Variants in ZFYVE28 observed in about 807,000 individuals in gnomAD.
ZFYVE28 encodes zinc finger FYVE-type containing 28.
ZFYVE28 carries 40 observed loss-of-function variants against 82.1 expected under a neutral mutation model. The observed-to-expected ratio is 0.49, with a 90% CI of 0.38 to 0.63. The LOEUF is 0.63. Ranked by LOEUF, ZFYVE28 falls within the 30% of genes least tolerant of loss-of-function variation. The probability of loss-of-function intolerance (pLI) is 0.00; values close to 1 mark genes in which losing one functional copy is unlikely to be tolerated. For missense variants in ZFYVE28, 1,321 were observed against 1,242.1 expected, an observed-to-expected ratio of 1.06 and a Z score of -0.96; for synonymous variants, 612 against 546.1, an observed-to-expected ratio of 1.12 and a Z score of -1.68.
intron 1 of ZFYVE28, among the ~76,000 whole-genome samples, chr4:2,387,719 C>T (rs981844936): frequency 6.6e-6 from 1 of 152,194 alleles, no homozygotes; most frequent in African/African-American, 2.4e-5. Flanking sequence ...GCCAAAAGAG[C>T]ACCTAACAAA....
intron 6 of ZFYVE28, among the ~76,000 whole-genome samples, chr4:2,333,014 A>G (rs1024963386): frequency 6.6e-6 from 1 of 150,948 alleles, no homozygotes; most frequent in African/African-American, 2.4e-5. Context: ...TCCCTCCTTC[A>G]ATCCAAGCCC....
intron 1 of ZFYVE28, among the ~76,000 whole-genome samples, chr4:2,371,855 C>A (rs373410314): frequency 6.6e-6 from 1 of 150,964 alleles, no homozygotes; most frequent in South Asian, 2.1e-4. Flanking sequence ...GCCCGCCCCC[C>A]ACCCAGCGTG....
chr4:2,276,230 G>A (rs1330606588), intron 8 of ZFYVE28, among the ~76,000 whole-genome samples: 2 of 152,218 alleles, frequency 1.3e-5, no homozygotes, highest in African/African-American at 4.8e-5. Flanking sequence ...AATATTTGCC[G>A]GAACGTGGGA....
rs1235692327 is a variant in ZFYVE28 at position 2,417,229 on chromosome 4, T to C, written c.39+1056A>G. ...ACCCGAGCCGTGACCTCCCCCAAGA[T>C]CTCAGGGCCCGGGCCTCCCCGCTGC... is the stretch of plus-strand genomic sequence containing the variant. On this transcript the variant is annotated intron_variant, in intron 1 of 12. Transcript: ENST00000290974. The surrounding 1 kb of genome is among the most constrained non-coding windows in gnomAD (Gnocchi z 4.8). Among the ~76,000 whole-genome samples the C allele has an allele frequency of 6.6e-6, 1 of 151,990 alleles. No individual in the cohort carries two copies. The highest frequency in any genetic ancestry group is 2.4e-5 in the African/African-American group (1 of 41,396).
At chr4:2,399,022 GCA>G (rs1730826286) in intron 1 of ZFYVE28, among the ~76,000 whole-genome samples, 1 of 130,842 alleles carries the variant, frequency 7.6e-6, no homozygotes, top group African/African-American at 2.8e-5. Flanking sequence ...GAGATCTAGG[GCA>G]CAAGGTGGGG....
intron 1 of ZFYVE28, among the ~76,000 whole-genome samples, chr4:2,355,240 A>AAAATGAT (rs1725099494): frequency 4.1e-5 from 1 of 24,122 alleles, no homozygotes; most frequent in African/African-American, 1.7e-4. Context: ...ATATATATAT[A>AAAATGAT]TATATATATA....
Position 2,353,991 on chromosome 4 carries a change from T to TGATA in ZFYVE28, c.121_122insTATC (p.Asp41ValfsTer29). On this transcript the variant is annotated frameshift_variant, in exon 2 of 13. Transcript: ENST00000290974. LOFTEE classifies it high-confidence loss of function. ...GCACCGCTGGGGGTCCTTCCGCCCATCCAGGCTGTCCAGCTCCGCGGCCAC... is the reference window on the plus strand; with the variant it reads ...GCACCGCTGGGGGTCCTTCCGCCCATGATACCAGGCTGTCCAGCTCCGCGGCCAC... 1 of 1,586,582 alleles carries TGATA rather than the reference T, an allele frequency of 6.3e-7. No individual in the cohort carries two copies. The highest frequency in any genetic ancestry group is 8.6e-7 in the Non-Finnish European group (1 of 1,166,698).
At chr4:2,370,179 G>A (rs1727381072) in intron 1 of ZFYVE28, among the ~76,000 whole-genome samples, 2 of 152,006 alleles carry the variant, frequency 1.3e-5, no homozygotes, top group South Asian at 4.1e-4. Flanking sequence ...CCCACTGTGT[G>A]CGACTTGGTC....
intron 1 of ZFYVE28, among the ~76,000 whole-genome samples, chr4:2,364,114 C>T (rs1168671165): frequency 6.6e-6 from 1 of 152,230 alleles, no homozygotes; most frequent in Non-Finnish European, 1.5e-5. Flanking sequence ...CCTCAGGTCA[C>T]AGCTCCAGGC....
In ZFYVE28 at chr4:2,341,337, C is replaced by A; in HGVS notation, c.318+141G>T. On this transcript the variant is annotated intron_variant, in intron 3 of 12. Coordinates refer to ENST00000290974, the MANE Select transcript of ZFYVE28 (RefSeq NM_020972.3). This position sits in a 1 kb window ranked among gnomAD's most constrained non-coding sequence, Gnocchi z 4.5. ...CACGGCCTACCAGGCTCAGACCACA[C>A]CACGTAACCCAGAGTGGACGGAGCT... is the stretch of plus-strand genomic sequence containing the variant. 1.6e-6 allele frequency: 2 copies of A among 1,212,766 alleles called. No individual in the cohort carries two copies. The highest frequency in any genetic ancestry group is 1.5e-5 in the South Asian group (1 of 68,164). 75.1% of individuals were successfully genotyped at this position (1,212,766 alleles called of 1,614,324 possible). A position where few individuals can be genotyped will look rare whatever the true frequency, so the allele number is the denominator to read the frequency against.
At position 2,304,459 on chromosome 4, in the gene ZFYVE28, T is replaced by C. The variant is rs1716183876; in HGVS notation, c.1881A>G (p.Lys627=). The change falls in exon 8 of 13, where the codon AAA becomes AAG. Residue 627 remains lysine (K), a synonymous_variant. Transcript: ENST00000290974. ...GCAGGCACTTGTCGGAAGTGGGGGCTTTGGGCTCCCGCCCGTTGGAGGCAT... is the reference window on the plus strand; with the variant it reads ...GCAGGCACTTGTCGGAAGTGGGGGCCTTGGGCTCCCGCCCGTTGGAGGCAT... ...SEDASNGREP[K]APTSDKCLPH... 3.1e-6 allele frequency: 5 copies of C among 1,613,456 alleles called. No homozygotes were observed. The highest frequency in any genetic ancestry group is 4.2e-6 in the Non-Finnish European group (5 of 1,179,950).
At chr4:2,308,702 GAA>G (rs796505203) in intron 7 of ZFYVE28, among the ~76,000 whole-genome samples, 2,112 of 105,976 alleles carry the variant, frequency 0.02, 66 homozygotes, top group African/African-American at 0.084. Flanking sequence ...GAAAAGAAAA[GAA>G]AAAAGAAAAG....
At position 2,304,488 on chromosome 4, in the gene ZFYVE28, C is replaced by G. The variant is rs1211966831; in HGVS notation, c.1852G>C (p.Glu618Gln). 1 of 1,613,120 alleles carries G rather than the reference C, an allele frequency of 6.2e-7. No homozygotes were observed. Among genetic ancestry groups the G allele is most frequent in the African/African-American group, 1.3e-5 (1 of 75,066 alleles). The change falls in exon 8 of 13, where the codon GAA (glutamate) becomes CAA (glutamine). Residue 618 changes from glutamate (E) to glutamine (Q), a missense_variant. Coordinates refer to ENST00000290974, the MANE Select transcript of ZFYVE28 (RefSeq NM_020972.3). ...GGCTCCCGCCCGTTGGAGGCATCTT[C>G]TGAGGGTGGGGGCGCCTCCTCCTGT... ...ERQEEAPPPS[E>Q]DASNGREPKA...
chr4:2,389,988 G>A (rs1420756248), intron 1 of ZFYVE28, among the ~76,000 whole-genome samples: 1 of 152,194 alleles, frequency 6.6e-6, no homozygotes, highest in African/African-American at 2.4e-5. Context: ...TGGGTTGAAT[G>A]GCGGCCCCCC....
intron 8 of ZFYVE28, among the ~76,000 whole-genome samples, chr4:2,281,489 A>G (rs1711965426): frequency 6.6e-6 from 1 of 152,166 alleles, no homozygotes; most frequent in Admixed American, 6.5e-5. Flanking sequence ...ATGTCACCAC[A>G]TGGAGGAAGG....
intron 1 of ZFYVE28, among the ~76,000 whole-genome samples, chr4:2,400,747 C>T (rs3128778): frequency 0.88 from 134,047 of 151,950 alleles, 59,470 homozygotes; most frequent in African/African-American, 0.97. Flanking sequence ...CGGTCTCGCC[C>T]TTTCACGTTC....
At chr4:2,359,335 G>A (rs988190460) in intron 1 of ZFYVE28, among the ~76,000 whole-genome samples, 4 of 151,966 alleles carry the variant, frequency 2.6e-5, no homozygotes, top group Non-Finnish European at 5.9e-5. Flanking sequence ...CATGTTGCCC[G>A]GGCTGGTCTG....
Position 2,409,738 on chromosome 4 carries a change from G to A in ZFYVE28, c.39+8547C>T, listed in dbSNP as rs908993380. Among the ~76,000 whole-genome samples, 2 of 152,208 alleles carry A rather than the reference G, an allele frequency of 1.3e-5. No individual in the cohort carries two copies. Among genetic ancestry groups the A allele is most frequent in the Non-Finnish European group, 2.9e-5 (2 of 68,034 alleles). On this transcript the variant is annotated intron_variant, in intron 1 of 12. Coordinates refer to ENST00000290974, the MANE Select transcript of ZFYVE28 (RefSeq NM_020972.3). The surrounding 1 kb of genome is among the most constrained non-coding windows in gnomAD (Gnocchi z 4.4). ...GCGGGCAGCTCTGTGGGAGGAGGTC[G>A]GTTTGAGAAATTTGTCAGAACTACC...
At chr4:2,328,944 G>C in intron 6 of ZFYVE28, 1 of 492,284 alleles carries the variant, frequency 2.0e-6, no homozygotes, top group Non-Finnish European at 3.7e-6. Context: ...TAGATGTTTG[G>C]GTTTATTTAT....
Sources: gnomAD v4.1 joint callset for allele counts (sites outside exome capture counted in the v4.1 genomes callset) on GRCh38, gnomAD v4.1.1 for gene constraint, Gnocchi (gnomAD v3.1) non-coding constraint, MANE v1.5 for transcripts, NCBI Gene and HGNC (gene_info 2026-07-23, HGNC 2026-07-21) for gene names.